RALGPS1: variants seen among roughly 807,000 people sequenced by gnomAD.
The protein encoded by RALGPS1 is Ral GEF with PH domain and SH3 binding motif 1.
In RALGPS1, 19 loss-of-function variants were observed where a neutral mutation model predicts 78.8. The observed-to-expected ratio is 0.24, with a 90% CI of 0.17 to 0.35. The LOEUF (loss-of-function observed/expected upper bound fraction) is 0.35, where lower values mean the gene tolerates loss of function less well. Ranked by LOEUF, RALGPS1 falls within the 10% of genes least tolerant of loss-of-function variation. RALGPS1 has a pLI of 1.00. For missense variants in RALGPS1, 454 were observed against 688.3 expected (o/e 0.66, Z 3.81); for synonymous variants, 228 against 256.3 (o/e 0.89, Z 1.06).
intron 8 of RALGPS1, 53 bp downstream of exon 8, chr9:127,069,409 T>C: frequency 6.3e-7 from 1 of 1,592,124 alleles, no homozygotes; most frequent in African/African-American, 1.4e-5. Flanking sequence ...CGGTGCCAAA[T>C]AAGATGTTTT....
chr9:127,096,995 G>A (rs1049026584), intron 8 of RALGPS1, among the ~76,000 whole-genome samples: 47 of 152,310 alleles, frequency 3.1e-4, no homozygotes, highest in African/African-American at 8.7e-4. Flanking sequence ...CCCAGGGGGT[G>A]TGCAGAGCTC....
chr9:126,967,022 G>A (rs920463824), intron 3 of RALGPS1, among the ~76,000 whole-genome samples: 1 of 152,072 alleles, frequency 6.6e-6, no homozygotes, highest in Non-Finnish European at 1.5e-5. Context: ...CCATACCCAC[G>A]TCTCCTCTAC....
intron 8 of RALGPS1, among the ~76,000 whole-genome samples, chr9:127,075,199 G>A (rs767119732): frequency 1.3e-5 from 2 of 152,210 alleles, no homozygotes; most frequent in Admixed American, 6.5e-5. Context: ...GACTCTAAGC[G>A]AGTCCAGCTG....
intron 14 of RALGPS1, among the ~76,000 whole-genome samples, chr9:127,204,502 G>A (rs890648411): frequency 6.6e-6 from 1 of 152,020 alleles, no homozygotes; most frequent in Admixed American, 6.6e-5. Flanking sequence ...GGCTGGGTAG[G>A]GGGAAGAAAA....
intron 8 of RALGPS1, among the ~76,000 whole-genome samples, chr9:127,075,706 A>G (rs1030568994): frequency 2.0e-5 from 3 of 152,254 alleles, no homozygotes; most frequent in African/African-American, 7.2e-5. Flanking sequence ...TGATACTTCA[A>G]GCTGCTTTGT....
intron 1 of RALGPS1, among the ~76,000 whole-genome samples, chr9:126,947,162 G>A (rs1385157914): frequency 1.3e-5 from 2 of 152,154 alleles, no homozygotes; most frequent in Non-Finnish European, 2.9e-5. Flanking sequence ...TGTCTGTGCT[G>A]GAAGGTGAAG....
intron 4 of RALGPS1, among the ~76,000 whole-genome samples, chr9:127,000,333 A>G (rs1380537160): frequency 1.3e-5 from 2 of 152,096 alleles, no homozygotes; most frequent in African/African-American, 2.4e-5. Context: ...ATCTAATGCT[A>G]TAAATTTTCT....
chr9:127,126,422 G>A (rs35229741), intron 8 of RALGPS1, among the ~76,000 whole-genome samples: 8,552 of 152,070 alleles, frequency 0.056, 462 homozygotes, highest in East Asian at 0.17. Context: ...CTAAATTTGG[G>A]GATATGGGGA....
intron 1 of RALGPS1, among the ~76,000 whole-genome samples, chr9:126,917,853 G>C (rs693550): frequency 0.023 from 3,563 of 152,330 alleles, 46 homozygotes; most frequent in Middle Eastern, 0.048. Flanking sequence ...TTAGCTGAGT[G>C]AGGAGGGTGT....
intron 5 of RALGPS1, among the ~76,000 whole-genome samples, chr9:127,048,501 C>A (rs1037851824): frequency 1.3e-5 from 2 of 152,186 alleles, no homozygotes; most frequent in African/African-American, 2.4e-5. Context: ...TCTGGGCTCC[C>A]AGTGCCTGGA....
chr9:127,195,815 C>T (rs1427257320), intron 12 of RALGPS1, among the ~76,000 whole-genome samples: 3 of 151,952 alleles, frequency 2.0e-5, no homozygotes, highest in African/African-American at 7.3e-5. Context: ...TCCCTCCCTC[C>T]CTTCCTCCTT....
At chr9:127,166,531 A>G (rs558438383) in intron 9 of RALGPS1, among the ~76,000 whole-genome samples, 1 of 152,246 alleles carries the variant, frequency 6.6e-6, no homozygotes, top group East Asian at 1.9e-4. Flanking sequence ...CTTTCTGGGC[A>G]GCTCTCCTCC....
intron 8 of RALGPS1, among the ~76,000 whole-genome samples, chr9:127,131,870 G>A (rs2057028561): frequency 6.6e-6 from 1 of 152,150 alleles, no homozygotes; most frequent in South Asian, 2.1e-4. Context: ...AGTGGTTCTC[G>A]AGCTTTTGCG....
intron 1 of RALGPS1, among the ~76,000 whole-genome samples, chr9:126,953,877 G>A (rs1208273173): frequency 6.6e-6 from 1 of 152,210 alleles, no homozygotes; most frequent in Non-Finnish European, 1.5e-5. Flanking sequence ...TATCTTATTT[G>A]CTGCTGTGTC....
intron 8 of RALGPS1, among the ~76,000 whole-genome samples, chr9:127,151,150 C>T (rs2058395480): frequency 6.6e-6 from 1 of 151,260 alleles, no homozygotes; most frequent in Non-Finnish European, 1.5e-5. Flanking sequence ...CACCACTGTA[C>T]TCCAGCCTGA....
chr9:127,036,218 G>A (rs1329777795), intron 5 of RALGPS1, among the ~76,000 whole-genome samples: 2 of 152,228 alleles, frequency 1.3e-5, no homozygotes, highest in Admixed American at 6.5e-5. Context: ...TCAGCCAGTC[G>A]GAGAGCCAGC....
At chr9:127,173,991 C>T (rs1020242668) in intron 10 of RALGPS1, among the ~76,000 whole-genome samples, 11 of 151,926 alleles carry the variant, frequency 7.2e-5, no homozygotes, top group South Asian at 4.2e-4. Flanking sequence ...GTAGCTTGGG[C>T]GACAGAGCGA....
intron 8 of RALGPS1, among the ~76,000 whole-genome samples, chr9:127,156,642 G>A (rs963067454): frequency 6.6e-6 from 1 of 152,034 alleles, no homozygotes; most frequent in East Asian, 1.9e-4. Context: ...ACTGTTGACT[G>A]TCTTATAAAT....
intron 6 of RALGPS1, among the ~76,000 whole-genome samples, chr9:127,051,214 G>A (rs1366746092): frequency 2.0e-4 from 31 of 152,246 alleles, no homozygotes; most frequent in Non-Finnish European, 2.9e-5. Context: ...CTGTCAATCA[G>A]TTCTGTTCTG....
Sources: allele counts gnomAD v4.1 joint callset (sites outside exome capture counted in the v4.1 genomes callset), GRCh38; gene constraint gnomAD v4.1.1; transcripts MANE v1.5; gene names NCBI Gene and HGNC (gene_info 2026-07-23, HGNC 2026-07-21).